Variants in PHACTR2 observed in about 807,000 individuals in gnomAD.
PHACTR2 encodes phosphatase and actin regulator 2, also known as chromosome 6 open reading frame 56.
PHACTR2 carries 30 observed loss-of-function variants against 76.0 expected under a neutral mutation model. The observed-to-expected ratio is 0.39, with a 90% CI of 0.30 to 0.54. The LOEUF is 0.54. Among genes scored for constraint, PHACTR2 ranks in the 20% least tolerant of loss-of-function variants. PHACTR2 has a pLI of 0.61. For missense variants in PHACTR2, 696 were observed against 781.1 expected, an observed-to-expected ratio of 0.89 and a Z score of 1.30; for synonymous variants, 292 against 292.5, an observed-to-expected ratio of 1.00 and a Z score of 0.02.
Position 143,544,253 on chromosome 6 carries a change from G to GGAAGGAAGGAAGGCAGGGAGGGGAAA in PHACTR2, c.217+7060_217+7061insAGGGAGGGGAAAGAAGGAAGGAAGGC, listed in dbSNP as rs1554286368. Among the ~76,000 whole-genome samples the GGAAGGAAGGAAGGCAGGGAGGGGAAA allele has an allele frequency of 4.1e-3, 593 of 144,136 alleles. 4 individuals carry two copies. The highest frequency in any genetic ancestry group is 7.2e-3 in the Middle Eastern group (2 of 278). The allele number at this position is 144,136 out of a possible 152,430, so 94.6% of individuals were successfully genotyped here. On this transcript the variant is annotated intron_variant, in intron 1 of 11. Coordinates refer to the PHACTR2 transcript ENST00000367584. ...CCAGGAGGGAGGGAGGGAGGGAGTG[G>GGAAGGAAGGAAGGCAGGGAGGGGAAA]GAAGGAAGGAAGGCGGGCAGGCTCC...
intron 1 of PHACTR2, among the ~76,000 whole-genome samples, chr6:143,614,813 C>A (rs1776036290): frequency 6.6e-6 from 1 of 152,148 alleles, no homozygotes; most frequent in Non-Finnish European, 1.5e-5. Flanking sequence ...AGGCCTTGAA[C>A]CTGCTTTGGA....
rs2128439497 is a variant in PHACTR2, at chr6:143,619,138, T to G, written c.13+10816T>G. ...AGCCCATTAGAATCACTTGTGCAAT[T>G]AAAATCTTCCTGCCTGTCTGTCTGT... On this transcript the variant is annotated intron_variant, in intron 1 of 11. Transcript: ENST00000305766. The surrounding 1 kb of genome is among the most constrained non-coding windows in gnomAD (Gnocchi z 4.5). Among the ~76,000 whole-genome samples the G allele has an allele frequency of 6.7e-6, 1 of 149,824 alleles. No individual in the cohort carries two copies. Among genetic ancestry groups the G allele is most frequent in the Middle Eastern group, 3.4e-3 (1 of 290 alleles).
In PHACTR2 at chr6:143,772,452, G is replaced by T. The variant is rs201932078; in HGVS notation, c.1427G>T (p.Gly476Val). 98 of 1,612,512 alleles carry T rather than the reference G, an allele frequency of 6.1e-5. No individual in the cohort carries two copies. The African/African-American group carries it at 1.3e-3, about 22-fold the overall frequency. The change falls in exon 7 of 13, where the codon GGA becomes GTA. Residue 476 changes from glycine to valine, a missense_variant. Gly to Val is a moderately radical substitution (Grantham distance 109). Coordinates refer to ENST00000440869, the MANE Select transcript of PHACTR2 (RefSeq NM_001100164.2). This position sits in a 1 kb window ranked among gnomAD's most constrained non-coding sequence, Gnocchi z 5.4. The stretch of plus-strand genomic sequence containing the variant: ...GAAGACGAAGATGAGGATGGCAGTG[G>T]AGAAAGTAAGACTGTTTTCAAGAGG... ...EDEDEDEDGS[G>V]ESALASKIRR...
intron 1 of PHACTR2, among the ~76,000 whole-genome samples, chr6:143,544,240 G>C (rs376609495): frequency 1.1e-4 from 16 of 146,320 alleles, no homozygotes; most frequent in South Asian, 8.9e-4. Flanking sequence ...AGGAGGGAGG[G>C]AGGGAGGGAG....
rs947059388 is a variant in PHACTR2 at position 143,599,281 on chromosome 6, C to G, written c.217+62074C>G. Among the ~76,000 whole-genome samples the G allele has an allele frequency of 2.0e-5, 3 of 152,032 alleles. No homozygotes were observed. Among genetic ancestry groups the G allele is most frequent in the Non-Finnish European group, 2.9e-5 (2 of 68,018 alleles). On this transcript the variant is annotated intron_variant, in intron 1 of 11. Coordinates refer to the PHACTR2 transcript ENST00000367584. This position sits in a 1 kb window ranked among gnomAD's most constrained non-coding sequence, Gnocchi z 4.6. ...GCAAGTGTACTTTCGTAGGAGAAAA[C>G]TAAACTTTCATTAGGCTATTTAAGG...
chr6:143,759,310 C>T (rs1188698140), intron 4 of PHACTR2, among the ~76,000 whole-genome samples: 1 of 152,070 alleles, frequency 6.6e-6, no homozygotes, highest in Non-Finnish European at 1.5e-5. Context: ...CAAAATAGAC[C>T]TAAGTATTTC....
chr6:143,588,378 T>C (rs1369826147), intron 1 of PHACTR2, among the ~76,000 whole-genome samples: 1 of 152,190 alleles, frequency 6.6e-6, no homozygotes, highest in Non-Finnish European at 1.5e-5. Flanking sequence ...TGGAACCCTT[T>C]TTTCCCCAAA....
rs1776245299 is a variant in PHACTR2, at chr6:143,625,648, C to T, written c.13+17326C>T. Among the ~76,000 whole-genome samples, 1 of 152,074 alleles carries T rather than the reference C, an allele frequency of 6.6e-6. No homozygotes were observed. The highest frequency in any genetic ancestry group is 6.6e-5 in the Admixed American group (1 of 15,256). ...GATGAAGCTTATTAGTTCTTATTTT[C>T]TTTGTTTATCATAATTTTAGAATAT... On this transcript the variant is annotated intron_variant, in intron 1 of 11. Coordinates refer to the PHACTR2 transcript ENST00000305766. The surrounding 1 kb of genome is among the most constrained non-coding windows in gnomAD (Gnocchi z 4.3).
Position 143,794,419 on chromosome 6 carries a change from G to C in PHACTR2, c.1845+5509G>C, listed in dbSNP as rs528490272. The stretch of plus-strand genomic sequence containing the variant: ...TAATTTAGCTATTAGGTTTAAAAAT[G>C]AGTTTTATTTTTAACTTTTGAGCTC... On this transcript the variant is annotated intron_variant, in intron 11 of 12. Transcript: ENST00000440869. This position sits in a 1 kb window ranked among gnomAD's most constrained non-coding sequence, Gnocchi z 4.1. Among the ~76,000 whole-genome samples the C allele has an allele frequency of 6.6e-6, 1 of 152,020 alleles. No homozygotes were observed. Among genetic ancestry groups the C allele is most frequent in the South Asian group, 2.1e-4 (1 of 4,820 alleles).
At chr6:143,727,988 A>G (rs1460264590) in intron 2 of PHACTR2, among the ~76,000 whole-genome samples, 1 of 152,168 alleles carries the variant, frequency 6.6e-6, no homozygotes, top group Non-Finnish European at 1.5e-5. Flanking sequence ...TAGCCAGAGC[A>G]ATTAGGCAAG....
At chr6:143,604,096 CAAAAAA>C (rs5880568), upstream of PHACTR2, among the ~76,000 whole-genome samples, 2 of 110,358 alleles carry the variant, frequency 1.8e-5, no homozygotes, top group Non-Finnish European at 1.9e-5. Context: ...GACTCTGATT[CAAAAAA>C]AAAAAAAAAA....
At chr6:143,705,532 G>A (rs146494115) in intron 1 of PHACTR2, among the ~76,000 whole-genome samples, 1,959 of 152,232 alleles carry the variant, frequency 0.013, 43 homozygotes, top group African/African-American at 0.042. Flanking sequence ...CTGACCTCGC[G>A]TGATCTGCCC....
chr6:143,811,194 A>C lies in PHACTR2; in HGVS notation c.1922+4061A>C, dbSNP rs1180009694. Among the ~76,000 whole-genome samples the C allele has an allele frequency of 1.3e-5, 2 of 152,204 alleles. No homozygotes were observed. The highest frequency in any genetic ancestry group is 4.8e-5 in the African/African-American group (2 of 41,460). On this transcript the variant is annotated intron_variant, in intron 12 of 12. Coordinates refer to ENST00000440869, the MANE Select transcript of PHACTR2 (RefSeq NM_001100164.2). The surrounding 1 kb of genome is among the most constrained non-coding windows in gnomAD (Gnocchi z 4.1). ...TCTAAATCAGTAGTTGATTCTCTCAATGCCACTTTTTTCCCTGTGGATGTG... is the reference window on the plus strand; with the variant it reads ...TCTAAATCAGTAGTTGATTCTCTCACTGCCACTTTTTTCCCTGTGGATGTG...
rs945006794 is a variant in PHACTR2 at position 143,623,529 on chromosome 6, C to T, written c.13+15207C>T. Among the ~76,000 whole-genome samples the T allele has an allele frequency of 2.0e-5, 3 of 152,112 alleles. No individual in the cohort carries two copies. The highest frequency in any genetic ancestry group is 4.4e-5 in the Non-Finnish European group (3 of 68,032). On this transcript the variant is annotated intron_variant, in intron 1 of 11. Coordinates refer to the PHACTR2 transcript ENST00000305766. The surrounding 1 kb of genome is among the most constrained non-coding windows in gnomAD (Gnocchi z 5.9). ...GGAGAAGGTTGCAGTGAGCCAAGAT[C>T]ATGCCACTGCACTCCAGCATGGGCA...
intron 1 of PHACTR2, among the ~76,000 whole-genome samples, chr6:143,620,082 A>C (rs1237256147): frequency 6.6e-6 from 1 of 152,216 alleles, no homozygotes; most frequent in Non-Finnish European, 1.5e-5. Flanking sequence ...CTGTGACGAT[A>C]GTTGAAAAAA....
chr6:143,735,224 T>G (rs1234553317), intron 2 of PHACTR2, among the ~76,000 whole-genome samples: 1 of 152,156 alleles, frequency 6.6e-6, no homozygotes, highest in East Asian at 1.9e-4. Flanking sequence ...TATTCCAAAG[T>G]ATAAGTGTTT....
chr6:143,732,985 C>T (rs759115094), intron 2 of PHACTR2, among the ~76,000 whole-genome samples: 1 of 152,050 alleles, frequency 6.6e-6, no homozygotes. Context: ...AACTCCTGGG[C>T]TCAAAGCAAT....
chr6:143,797,012 T>A (rs547938813), intron 11 of PHACTR2, among the ~76,000 whole-genome samples: 14 of 152,288 alleles, frequency 9.2e-5, no homozygotes, highest in Admixed American at 7.2e-4. Context: ...TTGAACTAAT[T>A]TACACTCCCA....
At chr6:143,657,743 T>C (rs1776874533) in intron 1 of PHACTR2, among the ~76,000 whole-genome samples, 1 of 152,222 alleles carries the variant, frequency 6.6e-6, no homozygotes, top group Non-Finnish European at 1.5e-5. Context: ...TGAGATTGTC[T>C]GTCAGTTATC....
Sources: allele counts gnomAD v4.1 joint callset (sites outside exome capture counted in the v4.1 genomes callset), GRCh38; gene constraint gnomAD v4.1.1; non-coding constraint Gnocchi (gnomAD v3.1); transcripts MANE v1.5; gene names NCBI Gene and HGNC (gene_info 2026-07-23, HGNC 2026-07-21).